OCA2: variants seen among roughly 807,000 people sequenced by gnomAD.
OCA2 encodes the protein P protein.
In OCA2, 77 loss-of-function variants were observed where a neutral mutation model predicts 100.2. The observed-to-expected ratio is 0.77, with a 90% CI of 0.64 to 0.93. The LOEUF (loss-of-function observed/expected upper bound fraction) is 0.93. Ranked by LOEUF, OCA2 falls within the 40% of genes least tolerant of loss-of-function variation. The pLI, the probability that OCA2 is intolerant of heterozygous loss-of-function variation, is 0.00. For missense variants in OCA2, 1,062 were observed against 1,089.1 expected (o/e 0.98, Z 0.35); for synonymous variants, 432 against 439.2 (o/e 0.98, Z 0.21).
At chr15:27,927,784 CTTTTTTTTTT>C (rs34037519) in intron 18 of OCA2, among the ~76,000 whole-genome samples, 1 of 69,336 alleles carries the variant, frequency 1.4e-5, no homozygotes, top group Non-Finnish European at 2.5e-5. Context: ...CTTTGAGCAT[CTTTTTTTTTT>C]TTTTTTTTTT....
intron 23 of OCA2, among the ~76,000 whole-genome samples, chr15:27,798,829 T>C (rs553739757): frequency 6.6e-6 from 1 of 152,244 alleles, no homozygotes; most frequent in Admixed American, 6.5e-5. Flanking sequence ...TTTTTGGATT[T>C]ACAAAGCATT....
At chr15:27,890,003 A>G (rs1345959391) in intron 19 of OCA2, among the ~76,000 whole-genome samples, 1 of 152,208 alleles carries the variant, frequency 6.6e-6, no homozygotes, top group Non-Finnish European at 1.5e-5. Context: ...GGGTCTGATG[A>G]GTGCTACATC....
intron 19 of OCA2, among the ~76,000 whole-genome samples, chr15:27,924,387 A>G (rs887402759): frequency 1.0e-4 from 13 of 128,482 alleles, no homozygotes; most frequent in Non-Finnish European, 1.8e-4. Flanking sequence ...TCAAGGGTCA[A>G]TTGTATGTCT....
intron 2 of OCA2, among the ~76,000 whole-genome samples, chr15:28,055,580 C>T (rs1370500478): frequency 2.0e-5 from 3 of 152,196 alleles, no homozygotes; most frequent in African/African-American, 7.2e-5. Flanking sequence ...CTTACATTTT[C>T]CAAGGCTTAG....
chr15:27,983,274 A>T, intron 14 of OCA2, 71 bp downstream of exon 14: 1 of 1,585,896 alleles, frequency 6.3e-7, no homozygotes, highest in Non-Finnish European at 8.7e-7. Flanking sequence ...AAAGGCGTCC[A>T]TGTGGGGTAG....
chr15:27,721,032 T>C, the OCA2 span, among the ~76,000 whole-genome samples: 2 of 152,176 alleles, frequency 1.3e-5, no homozygotes, highest in Non-Finnish European at 2.9e-5. Flanking sequence ...TGGCATGCAT[T>C]CTAGTGACAC....
At chr15:27,821,621 TGTGTGCACACTTGCACACAA>T (rs564322543) in intron 23 of OCA2, among the ~76,000 whole-genome samples, 20 of 146,690 alleles carry the variant, frequency 1.4e-4, no homozygotes, top group African/African-American at 3.0e-4. Context: ...TACACATACA[TGTGTGCACACTTGCACACAA>T]GTGTGCACAC....
At chr15:27,913,803 CA>C (rs201957903) in intron 19 of OCA2, among the ~76,000 whole-genome samples, 24,953 of 64,124 alleles carry the variant, frequency 0.39, 3,832 homozygotes, top group East Asian at 0.69. Context: ...AGAGACACAA[CA>C]AAAAAAAAAA....
chr15:28,001,951 G>A (rs1346927481), intron 9 of OCA2, among the ~76,000 whole-genome samples: 1 of 152,174 alleles, frequency 6.6e-6, no homozygotes, highest in African/African-American at 2.4e-5. Flanking sequence ...GAGAGCTGCC[G>A]GGCTCACGGC....
chr15:28,072,607 A>AC (rs1228643494), intron 2 of OCA2, among the ~76,000 whole-genome samples: 13 of 150,322 alleles, frequency 8.6e-5, no homozygotes, highest in African/African-American at 3.0e-4. Context: ...AAAAAAAAAA[A>AC]AACAAGTAAC....
At chr15:27,822,334 T>C (rs1484439199) in intron 23 of OCA2, among the ~76,000 whole-genome samples, 2 of 152,238 alleles carry the variant, frequency 1.3e-5, no homozygotes, top group South Asian at 2.1e-4. Context: ...TATTATGTTC[T>C]TGAGAATCTT....
chr15:28,079,082 T>G (rs2044528981), intron 2 of OCA2, among the ~76,000 whole-genome samples: 1 of 152,194 alleles, frequency 6.6e-6, no homozygotes, highest in South Asian at 2.1e-4. Flanking sequence ...CATAGGCCAG[T>G]ACAGTCCCCC....
intron 14 of OCA2, among the ~76,000 whole-genome samples, chr15:27,968,188 C>T (rs940587378): frequency 6.6e-6 from 1 of 152,230 alleles, no homozygotes; most frequent in African/African-American, 2.4e-5. Context: ...TTCAGCACAT[C>T]TGTGCAGGCA....
intron 18 of OCA2, among the ~76,000 whole-genome samples, chr15:27,929,671 A>T (rs2039172134): frequency 6.6e-6 from 1 of 151,980 alleles, no homozygotes; most frequent in Admixed American, 6.6e-5. Flanking sequence ...CCTGTTTTTC[A>T]AAGGGCACTG....
rs528090434 is a variant in OCA2 at position 27,811,061 on chromosome 15, A to G, written c.2432+33898T>C. Among the ~76,000 whole-genome samples the G allele has an allele frequency of 7.5e-5, 5 of 66,716 alleles. No individual in the cohort carries two copies. In the East Asian group the frequency reaches 0.096, roughly 1,283 times the overall value. The allele number at this position is 66,716 out of a possible 152,430, so 43.8% of individuals were successfully genotyped here. On this transcript the variant is annotated intron_variant, in intron 23 of 23. Coordinates refer to ENST00000354638, the MANE Select transcript of OCA2 (RefSeq NM_000275.3). Reference sequence around the variant, plus strand: ...AAAGAAGTCATTATATGAAAAAGACACCGTACATGCATGTTTATGGCAGCG... The same window carrying G: ...AAAGAAGTCATTATATGAAAAAGACGCCGTACATGCATGTTTATGGCAGCG...
chr15:27,962,184 G>A (rs1389422283), intron 15 of OCA2, among the ~76,000 whole-genome samples: 1 of 152,044 alleles, frequency 6.6e-6, no homozygotes, highest in Non-Finnish European at 1.5e-5. Context: ...GTTCCCCGTG[G>A]CCTGTAGAAT....
rs371412500 is a variant in OCA2, at chr15:27,926,186, G to C, written c.2020C>G (p.Leu674Val). The change falls in exon 19 of 24, where the codon CTA becomes GTA. Residue 674 changes from leucine to valine, a missense_variant. Leu to Val is a conservative substitution (Grantham distance 32). Transcript: ENST00000354638. ...AGGGTTGCCCATTCCACTCTGTGTA[G>C]AATTATCTCAAAATCATGAATATCA... ...LADIHDFEII[L>V]HRVEWATLLF... 1.4e-4 allele frequency: 227 copies of C among 1,614,066 alleles called. 1 individual carries two copies. The South Asian group carries it at 2.3e-3, about 16-fold the overall frequency.
At chr15:28,074,003 GACACACACAC>G (rs10534274) in intron 2 of OCA2, among the ~76,000 whole-genome samples, 2 of 146,238 alleles carry the variant, frequency 1.4e-5, no homozygotes, top group Non-Finnish European at 3.0e-5. Context: ...ATGACAGACA[GACACACACAC>G]ACACACACAC....
At chr15:27,858,388 GA>G (rs200488887) in intron 21 of OCA2, among the ~76,000 whole-genome samples, 1,817 of 49,378 alleles carry the variant, frequency 0.037, 21 homozygotes, top group African/African-American at 0.087. Flanking sequence ...AAGAAAGAAA[GA>G]AAAAAAAAAA....
Sources: allele counts gnomAD v4.1 joint callset (sites outside exome capture counted in the v4.1 genomes callset), GRCh38; gene constraint gnomAD v4.1.1; transcripts MANE v1.5; gene names NCBI Gene and HGNC (gene_info 2026-07-23, HGNC 2026-07-21).